Variants in BNIP5 observed in about 807,000 individuals in gnomAD.
BNIP5 encodes the protein BCL2 interacting protein 5.
In BNIP5, 61 loss-of-function variants were observed where a neutral mutation model predicts 67.3. That is an observed-to-expected ratio of 0.91 (90% CI 0.74 to 1.12). The LOEUF (loss-of-function observed/expected upper bound fraction) is 1.12, where lower values mean the gene tolerates loss of function less well. Among genes scored for constraint, BNIP5 ranks in the 50% most tolerant of loss-of-function variants. The pLI is 0.00. For missense variants in BNIP5, 826 were observed against 816.3 expected (o/e 1.01, Z -0.14); for synonymous variants, 317 against 319.0 (o/e 0.99, Z 0.07).
At chr6:36,324,259 C>T (rs775130820) in intron 6 of BNIP5, 69 bp from the exon 7 acceptor site, 2 of 1,400,442 alleles carry the variant, frequency 1.4e-6, no homozygotes. Context: ...GTCTTCATTT[C>T]CTAATGCCCC....
chr6:36,317,874 T>C (rs1488897398), intron 11 of BNIP5, among the ~76,000 whole-genome samples: 2 of 152,204 alleles, frequency 1.3e-5, no homozygotes, highest in Non-Finnish European at 2.9e-5. Flanking sequence ...CAACTGAGGA[T>C]GTCAGAACTG....
intron 6 of BNIP5, among the ~76,000 whole-genome samples, chr6:36,324,567 C>T (rs111297037): frequency 0.031 from 2,295 of 73,218 alleles, 109 homozygotes; most frequent in African/African-American, 0.1. Context: ...TCAGACCTGA[C>T]GGTGATATTA....
intron 2 of BNIP5, 101 bp downstream of exon 2, chr6:36,329,978 CCT>C (rs1771850402): frequency 1.5e-6 from 2 of 1,340,608 alleles, no homozygotes; most frequent in Non-Finnish European, 2.0e-6. Context: ...GGTGCCGGCC[CCT>C]GACAGCTCCC....
intron 11 of BNIP5, among the ~76,000 whole-genome samples, chr6:36,318,774 T>C (rs1269955017): frequency 2.0e-5 from 3 of 151,864 alleles, no homozygotes; most frequent in Admixed American, 6.6e-5. Flanking sequence ...CTCAGAGACT[T>C]GGGGGAGGCG....
chr6:36,321,105 G>C (rs1359247451), intron 10 of BNIP5, 50 bp downstream of exon 10: 1 of 913,852 alleles, frequency 1.1e-6, no homozygotes, highest in African/African-American at 2.1e-5. Flanking sequence ...GAACCCAGGT[G>C]GGTAGATGAG....
chr6:36,330,816 T>G (rs1582135840), intron 1 of BNIP5, 122 bp from the exon 2 acceptor site: 1 of 1,304,290 alleles, frequency 7.7e-7, no homozygotes, highest in Non-Finnish European at 1.0e-6. Context: ...CAGGCTGGAG[T>G]GCAGTGGCGC....
At chr6:36,322,634 A>T (rs1471484751) in intron 8 of BNIP5, among the ~76,000 whole-genome samples, 192 bp from the exon 9 acceptor site, 1 of 152,090 alleles carries the variant, frequency 6.6e-6, no homozygotes, top group Non-Finnish European at 1.5e-5. Flanking sequence ...ACTTTCGCCC[A>T]CCAACCCTTT....
intron 11 of BNIP5, among the ~76,000 whole-genome samples, chr6:36,318,012 G>C (rs72848575): frequency 0.21 from 31,244 of 152,164 alleles, 3,419 homozygotes; most frequent in Non-Finnish European, 0.24. Context: ...CAAGGAGAGA[G>C]AGAGGTCCAT....
rs148598620 is a variant in BNIP5 at position 36,322,516 on chromosome 6, G to A, written c.1472-74C>T. On this transcript the variant is annotated intron_variant, in intron 8 of 11. Transcript: ENST00000437635. ...GTTCCTGACAAGAAGCTGTTCGGAG[G>A]CACAGGCATAAGCAGGGGCTGGTTT... 2,684 of 1,512,240 alleles carry A rather than the reference G, an allele frequency of 1.8e-3. 9 individuals carry two copies. Among genetic ancestry groups the A allele is most frequent in the Middle Eastern group, 0.015 (84 of 5,424 alleles). 93.7% of individuals were successfully genotyped at this position (1,512,240 alleles called of 1,614,324 possible).
Position 36,323,167 on chromosome 6 carries a change from ACAGT to A in BNIP5, c.1471+122_1471+125del, listed in dbSNP as rs1293544565. The A allele has an allele frequency of 8.2e-6, 11 of 1,347,366 alleles. No homozygotes were observed. In the African/African-American group the frequency reaches 1.3e-4, roughly 16 times the overall value. 83.5% of individuals were successfully genotyped at this position (1,347,366 alleles called of 1,614,324 possible). A position where few individuals can be genotyped will look rare whatever the true frequency, so the allele number is the denominator to read the frequency against. ...CCCACTCTACTCAGCATGGAAAGAC[ACAGT>A]CAGGGCTTTCAGCAACAGTGGACAT... On this transcript the variant is annotated intron_variant, in intron 8 of 11. Transcript: ENST00000437635.
chr6:36,316,786 A>G lies in BNIP5; in HGVS notation c.*570T>C. 2.5e-6 allele frequency: 1 copy of G among 399,484 alleles called. No homozygotes were observed. The highest frequency in any genetic ancestry group is 4.4e-6 in the Non-Finnish European group (1 of 226,690). The allele number at this position is 399,484 out of a possible 1,614,324, so 24.7% of individuals were successfully genotyped here. On this transcript the variant is annotated 3_prime_UTR_variant, in exon 12 of 12. Transcript: ENST00000437635. ...GGGTTAGAAGGATTCTGAGAGACCA[A>G]GTGTCCCCAGTCTCTAGGTTTTTCC...
intron 1 of BNIP5, among the ~76,000 whole-genome samples, chr6:36,333,495 T>C (rs957648312): frequency 6.6e-6 from 1 of 152,216 alleles, no homozygotes; most frequent in Non-Finnish European, 1.5e-5. Context: ...GAAGAGATCA[T>C]AGAGGAAAAT....
At position 36,317,086 on chromosome 6, in the gene BNIP5, TG is replaced by T. The variant is rs1339393761; in HGVS notation, c.*269del. 1.8e-6 allele frequency: 1 copy of T among 555,132 alleles called. No individual in the cohort carries two copies. Among genetic ancestry groups the T allele is most frequent in the Non-Finnish European group, 3.2e-6 (1 of 314,640 alleles). The allele number at this position is 555,132 out of a possible 1,614,324, so 34.4% of individuals were successfully genotyped here. ...TGTGTAGAGGGTCATGCAGCAAGTCTGGGGTAGGTTCAGCAGGTAGAGCCCC... is the reference window on the plus strand; with the variant it reads ...TGTGTAGAGGGTCATGCAGCAAGTCTGGGTAGGTTCAGCAGGTAGAGCCCC... On this transcript the variant is annotated 3_prime_UTR_variant, in exon 12 of 12. Transcript: ENST00000437635.
rs1367357521 is a variant in BNIP5, at chr6:36,316,606, C to T, written c.*750G>A. Reference sequence around the variant, plus strand: ...GCCCTCCTCCACTTCCTGAAAACTACCCAAAAGAAGCTATAGTGCCTACAT... The same window carrying T: ...GCCCTCCTCCACTTCCTGAAAACTATCCAAAAGAAGCTATAGTGCCTACAT... On this transcript the variant is annotated 3_prime_UTR_variant, in exon 12 of 12. Transcript: ENST00000437635. The T allele has an allele frequency of 2.5e-6, 1 of 398,592 alleles. No homozygotes were observed. The highest frequency in any genetic ancestry group is 4.4e-6 in the Non-Finnish European group (1 of 226,146). The allele number at this position is 398,592 out of a possible 1,614,324, so 24.7% of individuals were successfully genotyped here.
chr6:36,326,487 T>C, intron 5 of BNIP5, 23 bp downstream of exon 5: 1 of 1,613,144 alleles, frequency 6.2e-7, no homozygotes, highest in Non-Finnish European at 8.5e-7. Context: ...AGGGTTGCTA[T>C]GGCAACTGCA....
chr6:36,333,998 C>T (rs1036288615), intron 1 of BNIP5, among the ~76,000 whole-genome samples: 1 of 152,178 alleles, frequency 6.6e-6, no homozygotes, highest in Non-Finnish European at 1.5e-5. Flanking sequence ...GGAGGACCGG[C>T]GCTTCCTTAC....
chr6:36,325,339 G>T lies in BNIP5; in HGVS notation c.1112C>A (p.Pro371Gln). The change falls in exon 6 of 12, where the codon CCA (proline) becomes CAA (glutamine). Residue 371 changes from proline (P) to glutamine (Q), a missense_variant. By Grantham distance (76) the Pro-to-Gln change is moderately conservative. Transcript: ENST00000437635. ...GAPGPSVLPT[P>Q]SESQEPGEEL... is the part of the protein sequence containing the mutation. ...CTCTCCAGGTTCCTGGCTCTCTGATGGGGTGGGAAGCACGGAGGGACCTGG... is the reference window on the plus strand; with the variant it reads ...CTCTCCAGGTTCCTGGCTCTCTGATTGGGTGGGAAGCACGGAGGGACCTGG... 6.2e-7 allele frequency: 1 copy of T among 1,614,130 alleles called. No homozygotes were observed. The highest frequency in any genetic ancestry group is 2.2e-5 in the East Asian group (1 of 44,888).
rs182667464 is a variant in BNIP5, at chr6:36,333,613, T to A, written c.-4-2919A>T. Among the ~76,000 whole-genome samples the A allele has an allele frequency of 1.5e-4, 23 of 152,342 alleles. No homozygotes were observed. The East Asian group carries it at 2.5e-3, about 17-fold the overall frequency. On this transcript the variant is annotated intron_variant, in intron 1 of 11. Coordinates refer to ENST00000437635, the MANE Select transcript of BNIP5 (RefSeq NM_001010903.5). ...ACAATCATGAACAAGATGCAGTGTG[T>A]GCCCCCAGAGGGAATATTCTGGTCT... is the stretch of plus-strand genomic sequence containing the variant.
chr6:36,329,986 C>G, intron 2 of BNIP5, 95 bp downstream of exon 2: 1 of 1,401,320 alleles, frequency 7.1e-7, no homozygotes, highest in Non-Finnish European at 9.6e-7. Flanking sequence ...CCCCTGACAG[C>G]TCCCCCGACT....
Sources: gnomAD v4.1 joint callset for allele counts (sites outside exome capture counted in the v4.1 genomes callset) on GRCh38, gnomAD v4.1.1 for gene constraint, MANE v1.5 for transcripts, NCBI Gene and HGNC (gene_info 2026-07-23, HGNC 2026-07-21) for gene names.